APOLD1: variants seen among roughly 807,000 people sequenced by gnomAD.
APOLD1 encodes apolipoprotein L domain containing 1.
APOLD1 carries 22 observed loss-of-function variants against 15.3 expected under a neutral mutation model. That is an observed-to-expected ratio of 1.44 (90% CI 1.03 to 2.05). The LOEUF (loss-of-function observed/expected upper bound fraction) is 2.05, where lower values mean the gene tolerates loss of function less well. APOLD1 is among the 30% of genes most tolerant of loss of function. The probability of loss-of-function intolerance (pLI) is 0.00; values close to 1 mark genes in which losing one functional copy is unlikely to be tolerated. For missense variants in APOLD1, 394 were observed against 353.5 expected (o/e 1.11, Z -0.92); for synonymous variants, 190 against 167.4 (o/e 1.13, Z -1.04).
chr12:12,752,626 A>C (rs1946820734), intron 1 of APOLD1, among the ~76,000 whole-genome samples: 1 of 152,152 alleles, frequency 6.6e-6, no homozygotes, highest in Non-Finnish European at 1.5e-5. Flanking sequence ...AAAAAAAATC[A>C]CAACTGCATT....
At chr12:12,757,699 G>A (rs976038176) in intron 1 of APOLD1, among the ~76,000 whole-genome samples, 1 of 151,758 alleles carries the variant, frequency 6.6e-6, no homozygotes, top group African/African-American at 2.4e-5. Context: ...TTATTGAGAG[G>A]TAATTCACGT....
intron 1 of APOLD1, among the ~76,000 whole-genome samples, chr12:12,756,232 G>T (rs1378506416): frequency 6.6e-6 from 1 of 152,218 alleles, no homozygotes; most frequent in Non-Finnish European, 1.5e-5. Context: ...TTCTGTTAAT[G>T]CCAGCAATCG....
chr12:12,749,069 G>T (rs1348433083), intron 1 of APOLD1, among the ~76,000 whole-genome samples: 4 of 152,024 alleles, frequency 2.6e-5, no homozygotes, highest in Non-Finnish European at 1.5e-5. Context: ...AGGCCATGGG[G>T]TCTGTACTCT....
intron 1 of APOLD1, among the ~76,000 whole-genome samples, chr12:12,772,674 C>G (rs1195337492): frequency 6.6e-6 from 1 of 152,154 alleles, no homozygotes; most frequent in Non-Finnish European, 1.5e-5. Context: ...TAAACAGTAG[C>G]AGGTTACATG....
chr12:12,781,565 T>TCGC (rs1947080700), upstream of APOLD1, among the ~76,000 whole-genome samples: 4 of 149,720 alleles, frequency 2.7e-5, no homozygotes, highest in Admixed American at 2.7e-4. Context: ...TCTCGCTCTG[T>TCGC]CGCCCAGGCT....
chr12:12,732,786 G>A (rs1946650871), intron 1 of APOLD1, among the ~76,000 whole-genome samples: 1 of 150,760 alleles, frequency 6.6e-6, no homozygotes, highest in South Asian at 2.1e-4. Flanking sequence ...ACTTTTCTAC[G>A]AATTTAATTT....
intron 1 of APOLD1, among the ~76,000 whole-genome samples, chr12:12,768,796 C>T (rs1946961333): frequency 6.6e-6 from 1 of 151,718 alleles, no homozygotes; most frequent in Non-Finnish European, 1.5e-5. Context: ...TGCCTCCTAC[C>T]TTTTTCAAAG....
intron 1 of APOLD1, chr12:12,771,443 C>T (rs920197323): frequency 2.9e-5 from 13 of 450,960 alleles, no homozygotes; most frequent in Non-Finnish European, 4.7e-5. Flanking sequence ...TTCTGTCCAC[C>T]ATGTTCAAAT....
intron 1 of APOLD1, among the ~76,000 whole-genome samples, chr12:12,769,164 G>C (rs763280424): frequency 2.3e-4 from 34 of 150,094 alleles, no homozygotes; most frequent in Non-Finnish European, 4.3e-4. Context: ...GGCAATTAAG[G>C]CTGCAGTGGG....
At chr12:12,741,970 G>A (rs926905325) in intron 1 of APOLD1, among the ~76,000 whole-genome samples, 2 of 152,140 alleles carry the variant, frequency 1.3e-5, no homozygotes, top group Non-Finnish European at 2.9e-5. Context: ...TGTGACACTC[G>A]ATCCTAAATT....
chr12:12,728,695 A>AGG, intron 1 of APOLD1, among the ~76,000 whole-genome samples: 1 of 143,716 alleles, frequency 7.0e-6, no homozygotes, highest in Non-Finnish European at 1.5e-5. Context: ...AAAAAAAGAG[A>AGG]GAGAAAGAAA....
intron 1 of APOLD1, among the ~76,000 whole-genome samples, chr12:12,737,991 GT>G (rs913705748): frequency 6.6e-6 from 1 of 152,098 alleles, no homozygotes; most frequent in Non-Finnish European, 1.5e-5. Flanking sequence ...CCTTAATTCT[GT>G]TTCCTGCTTT....
upstream of APOLD1, among the ~76,000 whole-genome samples, chr12:12,780,707 A>G (rs1453887863): frequency 7.0e-6 from 1 of 143,876 alleles, no homozygotes; most frequent in African/African-American, 2.5e-5. Context: ...TCCCACCTCC[A>G]CCTTCCCAGT....
At chr12:12,744,710 T>C (rs890791983) in intron 1 of APOLD1, among the ~76,000 whole-genome samples, 3 of 152,222 alleles carry the variant, frequency 2.0e-5, no homozygotes, top group African/African-American at 7.2e-5. Flanking sequence ...TGACTATAAA[T>C]TTCCGGGGTG....
chr12:12,733,160 CAAAA>C (rs10569123), intron 1 of APOLD1, among the ~76,000 whole-genome samples: 8 of 138,214 alleles, frequency 5.8e-5, no homozygotes, highest in African/African-American at 1.8e-4. Context: ...CAAAAAACAC[CAAAA>C]AAAAAAAAAA....
intron 1 of APOLD1, among the ~76,000 whole-genome samples, chr12:12,753,378 G>A (rs1030406998): frequency 2.6e-5 from 4 of 152,210 alleles, no homozygotes; most frequent in Non-Finnish European, 4.4e-5. Flanking sequence ...TAATTTAATA[G>A]AAGGGGGTTG....
intron 1 of APOLD1, among the ~76,000 whole-genome samples, chr12:12,731,253 CTTA>C (rs1463766299): frequency 6.6e-6 from 1 of 152,178 alleles, no homozygotes; most frequent in Admixed American, 6.5e-5. Context: ...GTCAATATGT[CTTA>C]TTATTTTTAA....
intron 1 of APOLD1, among the ~76,000 whole-genome samples, chr12:12,772,145 A>G (rs2417233): frequency 0.16 from 24,519 of 152,208 alleles, 2,270 homozygotes; most frequent in South Asian, 0.29. Context: ...ACCAAACCGT[A>G]TTAACAATCA....
chr12:12,776,729 C>T (rs10744005), intron 1 of APOLD1, among the ~76,000 whole-genome samples: 92,370 of 152,010 alleles, frequency 0.61, 28,310 homozygotes, highest in East Asian at 0.72. Context: ...AGATACATGC[C>T]TTTTTCCCTC....
Sources: gnomAD v4.1 joint callset for allele counts (sites outside exome capture counted in the v4.1 genomes callset) on GRCh38, gnomAD v4.1.1 for gene constraint, MANE v1.5 for transcripts, NCBI Gene and HGNC (gene_info 2026-07-23, HGNC 2026-07-21) for gene names.